Variants in MTMR12 observed in about 807,000 individuals in gnomAD.
MTMR12 encodes the protein myotubularin related protein 12.
A neutral mutation model predicts 96.7 loss-of-function variants in MTMR12; 33 were observed. That is an observed-to-expected ratio of 0.34 (90% CI 0.26 to 0.46). The LOEUF is 0.46. MTMR12 is among the 20% of genes least tolerant of loss of function. The pLI is 1.00. For synonymous variants in MTMR12, 298 were observed against 327.2 expected, an observed-to-expected ratio of 0.91 and a Z score of 0.96; for missense variants, 721 against 896.1, an observed-to-expected ratio of 0.80 and a Z score of 2.49.
intron 6 of MTMR12, among the ~76,000 whole-genome samples, chr5:32,266,644 C>T (rs1326893053): frequency 3.3e-5 from 5 of 150,600 alleles, no homozygotes; most frequent in East Asian, 2.0e-4. Flanking sequence ...GCCGAGATCC[C>T]GCCACTGCAC....
intron 1 of MTMR12, among the ~76,000 whole-genome samples, chr5:32,307,361 G>GC (rs1451621889): frequency 6.6e-6 from 1 of 152,048 alleles, no homozygotes; most frequent in Non-Finnish European, 1.5e-5. Flanking sequence ...CCCGACAGAG[G>GC]CACCGACATC....
At chr5:32,251,052 CTCT>C (rs1480683811) in intron 8 of MTMR12, among the ~76,000 whole-genome samples, 1 of 144,678 alleles carries the variant, frequency 6.9e-6, no homozygotes, top group African/African-American at 2.6e-5. Flanking sequence ...TAAGGTCCCT[CTCT>C]TTTTTTTTTT....
Position 32,310,755 on chromosome 5 carries a change from T to C in MTMR12, c.81+2003A>G, listed in dbSNP as rs138428944. ...CAGGGTGACTACAGTCAACAATAAT[T>C]GTATATTTTATAATAACTTAAAGAG... is the stretch of plus-strand genomic sequence containing the variant. On this transcript the variant is annotated intron_variant, in intron 1 of 15. Transcript: ENST00000382142. Among the ~76,000 whole-genome samples, 1,185 of 152,274 alleles carry C rather than the reference T, an allele frequency of 7.8e-3. 16 individuals carry two copies. The highest frequency in any genetic ancestry group is 0.027 in the African/African-American group (1,123 of 41,530).
intron 3 of MTMR12, among the ~76,000 whole-genome samples, chr5:32,273,439 C>T (rs550850475): frequency 6.6e-6 from 1 of 152,284 alleles, no homozygotes; most frequent in East Asian, 1.9e-4. Context: ...AGGCTGCATT[C>T]ACCATCGGTT....
intron 1 of MTMR12, among the ~76,000 whole-genome samples, chr5:32,283,467 T>C (rs1469179228): frequency 6.6e-6 from 1 of 152,118 alleles, no homozygotes; most frequent in African/African-American, 2.4e-5. Flanking sequence ...TGCAATAGAG[T>C]TATTATACCC....
intron 7 of MTMR12, among the ~76,000 whole-genome samples, chr5:32,258,927 C>G (rs1186894254): frequency 7.1e-6 from 1 of 140,304 alleles, no homozygotes; most frequent in African/African-American, 2.6e-5. Context: ...AAAAAAAAGT[C>G]AGAACCAAAT....
rs1389508414 is a variant in MTMR12, at chr5:32,228,070, A to G, written c.*1708T>C. 6.6e-6 allele frequency: 1 copy of G among 152,268 alleles called. No individual in the cohort carries two copies. Among genetic ancestry groups the G allele is most frequent in the East Asian group, 1.9e-4 (1 of 5,206 alleles). 9.4% of individuals were successfully genotyped at this position (152,268 alleles called of 1,614,324 possible). Reference sequence around the variant, plus strand: ...GAGTGCAGTGGCACGATCTTAGCTCACTGCAAACTCCACCTCCCAGGCTCA... The same window carrying G: ...GAGTGCAGTGGCACGATCTTAGCTCGCTGCAAACTCCACCTCCCAGGCTCA... On this transcript the variant is annotated 3_prime_UTR_variant, in exon 16 of 16. Transcript: ENST00000382142.
rs1041344294 is a variant in MTMR12, at chr5:32,270,667, C to T, written c.489+150G>A. On this transcript the variant is annotated intron_variant, in intron 5 of 15. Coordinates refer to ENST00000382142, the MANE Select transcript of MTMR12 (RefSeq NM_001040446.3). ...GCATGCTTTATCAAATTACTTTTCA[C>T]GTTCTAATCAAAGAATATGGGATTA... 16 of 800,556 alleles carry T rather than the reference C, an allele frequency of 2.0e-5. No homozygotes were observed. In the Middle Eastern group the frequency reaches 1.2e-3, roughly 59 times the overall value. The allele number at this position is 800,556 out of a possible 1,614,324, so 49.6% of individuals were successfully genotyped here.
chr5:32,302,485 G>A (rs551716553), intron 1 of MTMR12, among the ~76,000 whole-genome samples: 5 of 152,142 alleles, frequency 3.3e-5, no homozygotes, highest in African/African-American at 9.6e-5. Flanking sequence ...TTGGGAAGCC[G>A]AGGTGGGTAG....
At chr5:32,310,761 T>C (rs1266252543) in intron 1 of MTMR12, among the ~76,000 whole-genome samples, 1 of 152,122 alleles carries the variant, frequency 6.6e-6, no homozygotes, top group Non-Finnish European at 1.5e-5. Context: ...TAATTGTATA[T>C]TTTATAATAA....
chr5:32,306,305 A>T (rs1336587929), intron 1 of MTMR12, among the ~76,000 whole-genome samples: 1 of 152,216 alleles, frequency 6.6e-6, no homozygotes, highest in African/African-American at 2.4e-5. Flanking sequence ...GGGTAATAAT[A>T]GTATTCCCTT....
chr5:32,235,076 A>G lies in MTMR12; in HGVS notation c.1398T>C (p.His466=), dbSNP rs780888198. ...LDCVWQLVHQ[H]PPAFEFTETY... The stretch of plus-strand genomic sequence containing the variant: ...TCTCTGTGAATTCAAATGCCGGGGG[A>G]TGCTGGTGCACCAGCTGCCAGACAC... Residue 466 remains histidine (H), a synonymous_variant, in exon 14 of 16, where the codon CAT becomes CAC. Transcript: ENST00000382142. The G allele has an allele frequency of 6.2e-7, 1 of 1,614,124 alleles. No homozygotes were observed. Among genetic ancestry groups the G allele is most frequent in the East Asian group, 2.2e-5 (1 of 44,888 alleles).
At chr5:32,309,435 C>T (rs984711083) in intron 1 of MTMR12, among the ~76,000 whole-genome samples, 1 of 152,142 alleles carries the variant, frequency 6.6e-6, no homozygotes, top group Non-Finnish European at 1.5e-5. Flanking sequence ...AGATAACCCA[C>T]TGAATGAGAG....
chr5:32,237,928 A>G (rs1455273700), intron 13 of MTMR12, among the ~76,000 whole-genome samples: 2 of 151,754 alleles, frequency 1.3e-5, no homozygotes, highest in African/African-American at 4.8e-5. Flanking sequence ...GGGTCACTTG[A>G]GGTCAGGAGT....
chr5:32,287,300 A>G (rs992924019), intron 1 of MTMR12, among the ~76,000 whole-genome samples: 4 of 152,164 alleles, frequency 2.6e-5, no homozygotes, highest in Non-Finnish European at 5.9e-5. Context: ...TGGTGGACCA[A>G]TCTAATCAGC....
At chr5:32,308,483 G>T (rs1043227055) in intron 1 of MTMR12, among the ~76,000 whole-genome samples, 1 of 152,088 alleles carries the variant, frequency 6.6e-6, no homozygotes, top group Admixed American at 6.6e-5. Context: ...CCAGACCCAG[G>T]GCTCTCAGAA....
intron 1 of MTMR12, among the ~76,000 whole-genome samples, chr5:32,289,572 T>G (rs1037950740): frequency 6.6e-6 from 1 of 152,160 alleles, no homozygotes; most frequent in African/African-American, 2.4e-5. Context: ...TGACAATGAT[T>G]CCGGGGTACC....
At chr5:32,267,709 T>A (rs1479118854) in intron 6 of MTMR12, among the ~76,000 whole-genome samples, 1 of 152,220 alleles carries the variant, frequency 6.6e-6, no homozygotes, top group Non-Finnish European at 1.5e-5. Context: ...TTCTCTATGG[T>A]CTTATGAAAT....
intron 1 of MTMR12, among the ~76,000 whole-genome samples, chr5:32,305,363 G>A (rs1053903682): frequency 2.6e-5 from 4 of 151,990 alleles, no homozygotes; most frequent in Non-Finnish European, 5.9e-5. Context: ...ATGAGACTAC[G>A]TGTGAGCCAC....
Sources: allele counts gnomAD v4.1 joint callset (sites outside exome capture counted in the v4.1 genomes callset), GRCh38; gene constraint gnomAD v4.1.1; transcripts MANE v1.5; gene names NCBI Gene and HGNC (gene_info 2026-07-23, HGNC 2026-07-21).